FAM91A1: variants seen among roughly 807,000 people sequenced by gnomAD.
FAM91A1 encodes family with sequence similarity 91 member A1.
A neutral mutation model predicts 113.5 loss-of-function variants in FAM91A1; 41 were observed. That is an observed-to-expected ratio of 0.36 (90% CI 0.28 to 0.47). The LOEUF (loss-of-function observed/expected upper bound fraction) is 0.47, where lower values mean the gene tolerates loss of function less well. Ranked by LOEUF, FAM91A1 falls within the 20% of genes least tolerant of loss-of-function variation. FAM91A1 has a pLI of 1.00. For missense variants in FAM91A1, 696 were observed against 1,001.2 expected, an observed-to-expected ratio of 0.70 and a Z score of 4.11; for synonymous variants, 307 against 347.9, an observed-to-expected ratio of 0.88 and a Z score of 1.31.
At chr8:123,770,545 G>A (rs1280263541) in intron 1 of FAM91A1, among the ~76,000 whole-genome samples, 1 of 152,090 alleles carries the variant, frequency 6.6e-6, no homozygotes, top group Non-Finnish European at 1.5e-5. Context: ...GTACTTTAGG[G>A]TTTTGTGGCA....
intron 4 of FAM91A1, among the ~76,000 whole-genome samples, chr8:123,777,813 G>A (rs1406141657): frequency 6.6e-6 from 1 of 152,110 alleles, no homozygotes; most frequent in Non-Finnish European, 1.5e-5. Context: ...TTTTTAAAAT[G>A]TTTTTGTTAG....
intron 18 of FAM91A1, among the ~76,000 whole-genome samples, chr8:123,802,873 A>G (rs569673767): frequency 6.6e-6 from 1 of 152,318 alleles, no homozygotes; most frequent in Non-Finnish European, 1.5e-5. Flanking sequence ...CCATCTTTTT[A>G]AAGTTTTTGA....
At position 123,798,127 on chromosome 8, in the gene FAM91A1, T is replaced by C; in HGVS notation, c.1449T>C (p.Leu483=). The C allele has an allele frequency of 6.2e-7, 1 of 1,614,050 alleles. No individual in the cohort carries two copies. Among genetic ancestry groups the C allele is most frequent in the South Asian group, 1.1e-5 (1 of 91,066 alleles). The stretch of plus-strand genomic sequence containing the variant: ...ATCTCTTACGCTGTGAAAGCCTTCT[T>C]GGTTTGGACCCTGCAACTTGCAGCA... ...PLDLLRCESL[L]GLDPATCSRV... The change falls in exon 16 of 24, where the codon CTT becomes CTC. Residue 483 remains leucine, a synonymous_variant. Coordinates refer to ENST00000334705, the MANE Select transcript of FAM91A1 (RefSeq NM_144963.4).
intron 7 of FAM91A1, 55 bp downstream of exon 7, chr8:123,780,130 T>C (rs1485170786): frequency 2.1e-6 from 3 of 1,455,566 alleles, no homozygotes; most frequent in Non-Finnish European, 2.9e-6. Flanking sequence ...TTTTAAACCA[T>C]CAATAATTAC....
At chr8:123,798,060 A>C (rs755645070) in intron 15 of FAM91A1, 30 bp from the exon 16 acceptor site, 2 of 1,585,354 alleles carry the variant, frequency 1.3e-6, no homozygotes, top group Non-Finnish European at 1.7e-6. Flanking sequence ...TCAGTCTTTT[A>C]TTCTGTGTGT....
chr8:123,796,655 C>A (rs886428406), intron 15 of FAM91A1, among the ~76,000 whole-genome samples: 1 of 151,076 alleles, frequency 6.6e-6, no homozygotes, highest in Non-Finnish European at 1.5e-5. Flanking sequence ...GACGGGGTTT[C>A]GCCATGTTGA....
rs914885752 is a variant in FAM91A1, at chr8:123,808,274, G to A, written c.2035G>A (p.Glu679Lys). Reference sequence around the variant, plus strand: ...TGTGTATGCCCTTTAATTATAAGGAGAACCTGATTTGGCTTCTGGCTCAGA... The same window carrying A: ...TGTGTATGCCCTTTAATTATAAGGAAAACCTGATTTGGCTTCTGGCTCAGA... ...KLSDASDERG[E>K]PDLASGSDVN... Residue 679 changes from glutamate (E) to lysine (K), a missense_variant and splice_region_variant, in exon 21 of 24, where the codon GAA becomes AAA. Physicochemically the swap from Glu to Lys is moderately conservative, Grantham distance 56. Transcript: ENST00000334705. 2 of 1,611,518 alleles carry A rather than the reference G, an allele frequency of 1.2e-6. No homozygotes were observed. Among genetic ancestry groups the A allele is most frequent in the East Asian group, 2.2e-5 (1 of 44,802 alleles).
intron 23 of FAM91A1, among the ~76,000 whole-genome samples, chr8:123,811,740 G>C (rs139699177): frequency 6.6e-6 from 1 of 152,192 alleles, no homozygotes. Flanking sequence ...CATCTGAAAT[G>C]AAGTGTCAGA....
chr8:123,786,528 A>G lies in FAM91A1; in HGVS notation c.996A>G (p.Ser332=), dbSNP rs373637439. 11 of 1,613,852 alleles carry G rather than the reference A, an allele frequency of 6.8e-6. No individual in the cohort carries two copies. Among genetic ancestry groups the G allele is most frequent in the African/African-American group, 2.7e-5 (2 of 74,934 alleles). The change falls in exon 12 of 24, where the codon TCA becomes TCG. Residue 332 remains serine, a synonymous_variant. Transcript: ENST00000334705. ...TAGATCCACAGAAGATGCTCTTGTC[A>G]TGGGATGGAGGGGAAAGTAGGAGTC... ...STLDPQKMLL[S]WDGGESRSPV...
chr8:123,800,885 C>G (rs1815660606), intron 18 of FAM91A1, among the ~76,000 whole-genome samples: 1 of 151,984 alleles, frequency 6.6e-6, no homozygotes. Flanking sequence ...AATAATGTTC[C>G]ATTTTATGGA....
chr8:123,810,384 G>T (rs745921922), intron 23 of FAM91A1, 33 bp downstream of exon 23: 1 of 1,589,278 alleles, frequency 6.3e-7, no homozygotes, highest in Middle Eastern at 1.7e-4. Flanking sequence ...AATGGTACTT[G>T]TACTGAGCTT....
At chr8:123,799,687 G>T in intron 17 of FAM91A1, 33 bp downstream of exon 17, 2 of 1,612,432 alleles carry the variant, frequency 1.2e-6, no homozygotes, top group African/African-American at 2.7e-5. Context: ...GTTTTTTTAT[G>T]TGTGTGTGAG....
In FAM91A1 at chr8:123,768,689, C is replaced by CTTAAGAAA; in HGVS notation, c.-13_-12insTAAGAAAT. On this transcript the variant is annotated 5_prime_UTR_variant, in exon 1 of 24. In the 5' UTR this introduces an upstream ATG that the reference lacks. Coordinates refer to ENST00000334705, the MANE Select transcript of FAM91A1 (RefSeq NM_144963.4). ...GCGGTGGCGGCCCCGGCCGCCGGCC[C>CTTAAGAAA]TGGCCGCGGCATCATGAACATAGAC... is the stretch of plus-strand genomic sequence containing the variant. The CTTAAGAAA allele has an allele frequency of 6.5e-7, 1 of 1,548,422 alleles. No individual in the cohort carries two copies. The highest frequency in any genetic ancestry group is 1.2e-5 in the South Asian group (1 of 83,026).
Position 123,814,150 on chromosome 8 carries a change from A to G in FAM91A1, c.*1446A>G. On this transcript the variant is annotated 3_prime_UTR_variant, in exon 24 of 24. Transcript: ENST00000334705. The stretch of plus-strand genomic sequence containing the variant: ...TAAATGCAGTAACGGTTAGTTTTCT[A>G]CTTTGTCTTATAGAAGGTAGAAACC... 3 of 395,030 alleles carry G rather than the reference A, an allele frequency of 7.6e-6. No homozygotes were observed. The highest frequency in any genetic ancestry group is 1.9e-5 in the South Asian group (1 of 51,936). 24.5% of individuals were successfully genotyped at this position (395,030 alleles called of 1,614,324 possible).
rs536702559 is a variant in FAM91A1, at chr8:123,810,090, G to A, written c.2262-192G>A. Among the ~76,000 whole-genome samples the A allele has an allele frequency of 2.6e-4, 39 of 152,208 alleles. 1 individual carries two copies. In the South Asian group the frequency reaches 7.9e-3, roughly 31 times the overall value. ...TTTTATTTCAAAATGGACTTTTAAT[G>A]CATGACTACTCCCTATTATTAAAAC... On this transcript the variant is annotated intron_variant, in intron 22 of 23. Transcript: ENST00000334705.
chr8:123,803,120 A>T (rs1047998328), intron 18 of FAM91A1, among the ~76,000 whole-genome samples: 2 of 152,202 alleles, frequency 1.3e-5, no homozygotes, highest in African/African-American at 2.4e-5. Context: ...CTTGGATAAC[A>T]TAGTGAAACC....
At chr8:123,794,539 T>C (rs1051370106) in intron 15 of FAM91A1, among the ~76,000 whole-genome samples, 3 of 152,246 alleles carry the variant, frequency 2.0e-5, no homozygotes, top group African/African-American at 7.2e-5. Context: ...ATTTTGTAGG[T>C]ATCTCTTGTT....
chr8:123,781,580 C>T (rs1351618030), intron 8 of FAM91A1, among the ~76,000 whole-genome samples: 1 of 150,334 alleles, frequency 6.7e-6, no homozygotes, highest in East Asian at 2.0e-4. Context: ...TGGGTTCAAG[C>T]GATTCTCCTG....
intron 15 of FAM91A1, among the ~76,000 whole-genome samples, chr8:123,797,084 A>T (rs1563645197): frequency 6.6e-6 from 1 of 152,006 alleles, no homozygotes; most frequent in Non-Finnish European, 1.5e-5. Flanking sequence ...ATAAAAAAAG[A>T]TATGGGCCTT....
Sources: allele counts gnomAD v4.1 joint callset (sites outside exome capture counted in the v4.1 genomes callset), GRCh38; gene constraint gnomAD v4.1.1; transcripts MANE v1.5; gene names NCBI Gene and HGNC (gene_info 2026-07-23, HGNC 2026-07-21).